Variants in CFAP54 observed in about 807,000 individuals in gnomAD.
CFAP54 encodes cilia and flagella associated protein 54.
In CFAP54, 290 loss-of-function variants were observed where a neutral mutation model predicts 370.4. The ratio of observed to expected loss-of-function variants is 0.78; its 90% CI spans 0.71 to 0.86. The LOEUF (loss-of-function observed/expected upper bound fraction) is 0.86, where lower values mean the gene tolerates loss of function less well. Ranked by LOEUF, CFAP54 falls within the 40% of genes least tolerant of loss-of-function variation. The pLI, the probability that CFAP54 is intolerant of heterozygous loss-of-function variation, is 0.00. For missense variants in CFAP54, 3,399 were observed against 3,528.7 expected (o/e 0.96, Z 0.93); for synonymous variants, 1,206 against 1,236.5 (o/e 0.98, Z 0.52).
In CFAP54 at chr12:96,786,809, T is replaced by G; in HGVS notation, c.8590T>G (p.Ser2864Ala). Residue 2864 changes from serine to alanine, a missense_variant, in exon 62 of 68, where the codon TCT becomes GCT. By Grantham distance (99) the Ser-to-Ala change is moderately conservative. This residue lies in a region of CFAP54 where 2,796 missense variants were observed against 2,869.7 expected (regional missense o/e 0.97). Transcript: ENST00000524981. ...LKKFLQLYSS[S>A]CIDEFPKELL... ...AAAATTCTTACAGCTGTATTCTTCT[T>G]CTTGTATTGATGAATTTCCAAAAGA... 6.5e-7 allele frequency: 1 copy of G among 1,535,790 alleles called. No individual in the cohort carries two copies. The highest frequency in any genetic ancestry group is 8.7e-7 in the Non-Finnish European group (1 of 1,146,670).
chr12:96,506,207 C>T (rs1174930484), intron 3 of CFAP54, among the ~76,000 whole-genome samples: 2 of 151,950 alleles, frequency 1.3e-5, no homozygotes. Context: ...GGCGTGGTGG[C>T]GGGCACCTGT....
intron 50 of CFAP54, among the ~76,000 whole-genome samples, chr12:96,720,913 G>A (rs1369596487): frequency 6.6e-6 from 1 of 151,858 alleles, no homozygotes; most frequent in Non-Finnish European, 1.5e-5. Context: ...CCAGCTACTC[G>A]GGAGGCTAAG....
At chr12:96,525,385 A>G (rs759976695) in intron 8 of CFAP54, among the ~76,000 whole-genome samples, 3 of 151,722 alleles carry the variant, frequency 2.0e-5, no homozygotes, top group Non-Finnish European at 4.4e-5. Flanking sequence ...TTATTGCTTC[A>G]GCTTTAATTC....
chr12:96,547,278 C>T (rs776515859), intron 14 of CFAP54, among the ~76,000 whole-genome samples: 14 of 152,284 alleles, frequency 9.2e-5, no homozygotes, highest in Middle Eastern at 6.8e-3. Context: ...CTCCGCCTCC[C>T]GGGTTCAAGC....
At chr12:96,642,940 A>G (rs949084475) in intron 32 of CFAP54, among the ~76,000 whole-genome samples, 3 of 152,102 alleles carry the variant, frequency 2.0e-5, no homozygotes, top group Non-Finnish European at 4.4e-5. Context: ...AGCCACCTGG[A>G]GTCTGTCATT....
intron 36 of CFAP54, 77 bp downstream of exon 36, chr12:96,651,892 CTGT>C (rs1257044066): frequency 2.4e-6 from 2 of 849,680 alleles, no homozygotes; most frequent in African/African-American, 2.3e-5. Context: ...TAAGTAGAAA[CTGT>C]TTTTTTTTTT....
At chr12:96,545,063 C>T (rs1416317419) in intron 14 of CFAP54, among the ~76,000 whole-genome samples, 1 of 152,068 alleles carries the variant, frequency 6.6e-6, no homozygotes. Flanking sequence ...AGGCATGAGC[C>T]ACCACACCCA....
chr12:96,648,614 G>A lies in CFAP54; in HGVS notation c.4690+597G>A, dbSNP rs1034638470. Among the ~76,000 whole-genome samples, 8 of 137,236 alleles carry A rather than the reference G, an allele frequency of 5.8e-5. No homozygotes were observed. In the East Asian group the frequency reaches 1.6e-3, roughly 28 times the overall value. 90.0% of individuals were successfully genotyped at this position (137,236 alleles called of 152,430 possible). ...TTTTTTTTTTTTTTTTTTTGGAGAC[G>A]GAGTCTCACCCTATCACCTGGGCTG... On this transcript the variant is annotated intron_variant, in intron 34 of 67. Coordinates refer to ENST00000524981, the MANE Select transcript of CFAP54 (RefSeq NM_001306084.2).
chr12:96,714,657 A>G (rs1432666551), intron 48 of CFAP54, among the ~76,000 whole-genome samples: 1 of 152,178 alleles, frequency 6.6e-6, no homozygotes, highest in Non-Finnish European at 1.5e-5. Context: ...GTCATTGAAG[A>G]ATCTAGAAGA....
chr12:96,826,820 T>A, intron 65 of CFAP54, among the ~76,000 whole-genome samples: 1 of 113,500 alleles, frequency 8.8e-6, no homozygotes, highest in Admixed American at 1.1e-4. Context: ...TACATATTAA[T>A]ATATTATATA....
intron 66 of CFAP54, among the ~76,000 whole-genome samples, chr12:96,839,731 G>T (rs566906963): frequency 3.9e-5 from 6 of 152,340 alleles, no homozygotes; most frequent in Admixed American, 6.5e-5. Flanking sequence ...GAAAGTTGGG[G>T]ATGATTCAAC....
At chr12:96,536,417 A>G (rs938250623) in intron 12 of CFAP54, among the ~76,000 whole-genome samples, 1 of 152,204 alleles carries the variant, frequency 6.6e-6, no homozygotes, top group Non-Finnish European at 1.5e-5. Context: ...AGTGAAGCAC[A>G]CTTGAGAAGT....
intron 65 of CFAP54, among the ~76,000 whole-genome samples, chr12:96,824,689 T>C (rs1057435433): frequency 7.2e-5 from 11 of 152,114 alleles, no homozygotes; most frequent in Admixed American, 7.2e-4. Flanking sequence ...TTTAGACCCA[T>C]AGAAGCTGGC....
intron 26 of CFAP54, among the ~76,000 whole-genome samples, chr12:96,610,747 G>C (rs894333886): frequency 6.6e-6 from 1 of 152,198 alleles, no homozygotes; most frequent in East Asian, 1.9e-4. Flanking sequence ...TATATCCCGC[G>C]CATGGCTCAG....
chr12:96,791,328 G>A (rs1958691165), intron 62 of CFAP54, among the ~76,000 whole-genome samples: 1 of 151,892 alleles, frequency 6.6e-6, no homozygotes, highest in African/African-American at 2.4e-5. Flanking sequence ...TCTATGGCTA[G>A]CCTATTGTTT....
chr12:96,642,960 A>G (rs542537451), intron 32 of CFAP54, among the ~76,000 whole-genome samples: 16 of 152,178 alleles, frequency 1.1e-4, no homozygotes, highest in Non-Finnish European at 1.6e-4. Context: ...TACCTTGCCA[A>G]GATACCTGGA....
chr12:96,865,014 G>A (rs956924361), intron 67 of CFAP54, among the ~76,000 whole-genome samples: 1 of 152,114 alleles, frequency 6.6e-6, no homozygotes, highest in Non-Finnish European at 1.5e-5. Flanking sequence ...AATGGGGTTA[G>A]GGGAGAAAAC....
At chr12:96,741,875 A>G (rs573256526) in intron 51 of CFAP54, among the ~76,000 whole-genome samples, 14 of 152,308 alleles carry the variant, frequency 9.2e-5, no homozygotes, top group African/African-American at 3.4e-4. Flanking sequence ...AGGAAGACAT[A>G]GGTTGGAATC....
In CFAP54 at chr12:96,527,120, C is replaced by T. The variant is rs145841335; in HGVS notation, c.1159-126C>T. 521 of 782,620 alleles carry T rather than the reference C, an allele frequency of 6.7e-4. 4 individuals carry two copies. In the African/African-American group the frequency reaches 8.3e-3, roughly 13 times the overall value. The allele number at this position is 782,620 out of a possible 1,614,324, so 48.5% of individuals were successfully genotyped here. A position where few individuals can be genotyped will look rare whatever the true frequency, so the allele number is the denominator to read the frequency against. On this transcript the variant is annotated intron_variant, in intron 8 of 67. Coordinates refer to ENST00000524981, the MANE Select transcript of CFAP54 (RefSeq NM_001306084.2). ...ACTGTGTTGCCCAGGTGGTCTTGAA[C>T]TCCTTGGGTCAAGCAATCCTCCTGC... is the stretch of plus-strand genomic sequence containing the variant.
Sources: gnomAD v4.1 joint callset for allele counts (sites outside exome capture counted in the v4.1 genomes callset) on GRCh38, gnomAD v4.1.1 for gene constraint, gnomAD v4.1.1 regional missense constraint, MANE v1.5 for transcripts, NCBI Gene and HGNC (gene_info 2026-07-23, HGNC 2026-07-21) for gene names.